GPATCH2L: variants seen among roughly 807,000 people sequenced by gnomAD.
GPATCH2L encodes G-patch domain containing 2 like, also known as G patch domain-containing protein 2-like.
Under a neutral mutation model 57.4 loss-of-function variants are expected in GPATCH2L, and 31 were observed. That is an observed-to-expected ratio of 0.54 (90% confidence interval 0.41 to 0.73). The LOEUF is 0.73. Ranked by LOEUF, GPATCH2L falls within the 30% of genes least tolerant of loss-of-function variation. The pLI is 0.00. For synonymous variants in GPATCH2L, 199 were observed against 210.7 expected, an observed-to-expected ratio of 0.94 and a Z score of 0.48; for missense variants, 481 against 599.9, an observed-to-expected ratio of 0.80 and a Z score of 2.07.
intron 8 of GPATCH2L, 72 bp from the exon 9 acceptor site, chr14:76,195,806 C>G (rs2040129840): frequency 1.8e-6 from 2 of 1,133,604 alleles, no homozygotes; most frequent in Non-Finnish European, 1.3e-6. Flanking sequence ...AGGATTTAAT[C>G]TGGGCTACAT....
chr14:76,155,120 A>G, intron 2 of GPATCH2L, 95 bp downstream of exon 2: 2 of 956,584 alleles, frequency 2.1e-6, no homozygotes, highest in Non-Finnish European at 3.1e-6. Context: ...CTTTCAAACC[A>G]GCCACTCTAG....
chr14:76,217,938 A>G (rs1157402323), downstream of GPATCH2L, among the ~76,000 whole-genome samples: 1 of 152,198 alleles, frequency 6.6e-6, no homozygotes, highest in East Asian at 1.9e-4. Flanking sequence ...CAAAAAGCTA[A>G]GAAGTAATGG....
chr14:76,180,660 G>C, intron 7 of GPATCH2L, 104 bp from the exon 8 acceptor site: 1 of 763,594 alleles, frequency 1.3e-6, no homozygotes, highest in Non-Finnish European at 2.3e-6. Context: ...GGTATAACAA[G>C]AGTTGGATAG....
chr14:76,234,102 C>A lies in GPATCH2L; in HGVS notation c.*117+4149C>A, dbSNP rs573579984. Among the ~76,000 whole-genome samples the A allele has an allele frequency of 5.2e-4, 79 of 152,244 alleles. 1 individual carries two copies. The highest frequency in any genetic ancestry group is 1.8e-3 in the African/African-American group (75 of 41,546). ...TCCAACCTGGGCAACAGAGCAAGAA[C>A]CTGTCTCTAAAAAATAAAAAATAAA... On this transcript the variant is annotated intron_variant and NMD_transcript_variant, in intron 2 of 3. Transcript: ENST00000556372.
At position 76,204,465 on chromosome 14, in the gene GPATCH2L, G is replaced by A. The variant is rs530782868; in HGVS notation, c.*2614G>A. On this transcript the variant is annotated 3_prime_UTR_variant, in exon 10 of 10. Transcript: ENST00000261530. ...TGCATGTTTAAGGAATTATTAATCA[G>A]TGTATTCTGCTTGCTTTCTGTATTA... The A allele has an allele frequency of 6.6e-6, 1 of 152,290 alleles. No individual in the cohort carries two copies. Among genetic ancestry groups the A allele is most frequent in the African/African-American group, 2.4e-5 (1 of 41,558 alleles). 9.4% of individuals were successfully genotyped at this position (152,290 alleles called of 1,614,324 possible).
chr14:76,176,563 T>G (rs2039336613), intron 5 of GPATCH2L, 60 bp from the exon 6 acceptor site: 2 of 1,157,408 alleles, frequency 1.7e-6, no homozygotes, highest in Non-Finnish European at 2.6e-6. Context: ...AGATTGATAT[T>G]GTACTTTATA....
intron 9 of GPATCH2L, among the ~76,000 whole-genome samples, chr14:76,199,033 G>GT (rs1206648724): frequency 6.6e-6 from 1 of 152,094 alleles, no homozygotes; most frequent in Non-Finnish European, 1.5e-5. Flanking sequence ...AAGTTTAAAT[G>GT]TTTTTTAAAA....
At position 76,221,175 on chromosome 14, in the gene GPATCH2L, A is replaced by C. The variant is rs540190116; in HGVS notation, c.66-8633A>C. Among the ~76,000 whole-genome samples, 15 of 152,134 alleles carry C rather than the reference A, an allele frequency of 9.9e-5. 1 individual carries two copies. The highest frequency in any genetic ancestry group is 4.6e-4 in the Admixed American group (7 of 15,284). ...TCTTAAAACTCAGCAATAAGAAAAA[A>C]AAAAAAGCCCTAAATTAAAAAGTGG... On this transcript the variant is annotated intron_variant and NMD_transcript_variant, in intron 1 of 3. Coordinates refer to the GPATCH2L transcript ENST00000556372.
intron 7 of GPATCH2L, chr14:76,178,338 G>A (rs1324848546): frequency 4.7e-6 from 5 of 1,057,702 alleles, no homozygotes; most frequent in Non-Finnish European, 6.4e-6. Context: ...GCTGCTTTGG[G>A]TGAAGTGGGG....
intron 2 of GPATCH2L, among the ~76,000 whole-genome samples, chr14:76,232,458 C>T (rs75925533): frequency 6.6e-6 from 1 of 151,966 alleles, no homozygotes; most frequent in Non-Finnish European, 1.5e-5. Context: ...CGCCACTGCC[C>T]CCGGCCCGTT....
rs1191750092 is a variant in GPATCH2L, at chr14:76,154,976, T to C, written c.613T>C (p.Cys205Arg). 1.1e-5 allele frequency: 17 copies of C among 1,613,600 alleles called. No homozygotes were observed. Among genetic ancestry groups the C allele is most frequent in the Non-Finnish European group, 1.4e-5 (17 of 1,179,972 alleles). Residue 205 changes from cysteine (C) to arginine (R), a missense_variant, in exon 2 of 10, where the codon TGT (cysteine) becomes CGT (arginine). This residue lies in a region of GPATCH2L where 208 missense variants were observed against 272.4 expected (regional missense o/e 0.76). Coordinates refer to ENST00000261530, the MANE Select transcript of GPATCH2L (RefSeq NM_017926.4). This position sits in a 1 kb window ranked among gnomAD's most constrained non-coding sequence, Gnocchi z 4.4. Reference protein sequence around the residue: ...SKTGRKERMECETDEQKQGSD... With the variant: ...SKTGRKERMERETDEQKQGSD... ...AACAGGAAGGAAAGAAAGGATGGAG[T>C]GTGAAACAGATGAACAAAAACAGGG...
chr14:76,159,928 C>T (rs982136958), intron 2 of GPATCH2L, among the ~76,000 whole-genome samples: 17 of 152,008 alleles, frequency 1.1e-4, no homozygotes, highest in African/African-American at 3.6e-4. Flanking sequence ...GTTAGGAGAT[C>T]GAGACCATCC....
At chr14:76,235,533 A>C (rs7145598) in intron 2 of GPATCH2L, among the ~76,000 whole-genome samples, 2 of 152,020 alleles carry the variant, frequency 1.3e-5, no homozygotes, top group Non-Finnish European at 2.9e-5. Context: ...GAATCCATTA[A>C]AACTCTTTTT....
intron 2 of GPATCH2L, among the ~76,000 whole-genome samples, chr14:76,156,334 C>T (rs1389054195): frequency 6.6e-6 from 1 of 152,210 alleles, no homozygotes; most frequent in Non-Finnish European, 1.5e-5. Context: ...ACAGGAAAAA[C>T]TGTTTAGGTC....
At chr14:76,164,782 A>G (rs1181797303) in intron 2 of GPATCH2L, among the ~76,000 whole-genome samples, 1 of 152,224 alleles carries the variant, frequency 6.6e-6, no homozygotes, top group Non-Finnish European at 1.5e-5. Context: ...AGTCAGTACC[A>G]AGTTTACAGC....
In GPATCH2L at chr14:76,178,000, G is replaced by A. The variant is rs905109263; in HGVS notation, c.1065G>A (p.Ala355=). 12 of 1,604,594 alleles carry A rather than the reference G, an allele frequency of 7.5e-6. No individual in the cohort carries two copies. Among genetic ancestry groups the A allele is most frequent in the African/African-American group, 5.4e-5 (4 of 74,684 alleles). Residue 355 remains alanine, a synonymous_variant, in exon 7 of 10, where the codon GCG becomes GCA. Coordinates refer to ENST00000261530, the MANE Select transcript of GPATCH2L (RefSeq NM_017926.4). ...SDPRQKEKNK[A]LASDFPHISA... is the part of the protein sequence containing the mutation. ...TCCTTTTCTTTAGAAAGAATAAAGC[G>A]TTGGCTTCTGATTTTCCTCACATTT...
At position 76,177,816 on chromosome 14, in the gene GPATCH2L, T is replaced by C. The variant is rs2039397617; in HGVS notation, c.1053-172T>C. Reference sequence around the variant, plus strand: ...TTTACTTAATTATTCCAACATCTTATCTTCTTCTCCCTTCTGTAATTTTCC... The same window carrying C: ...TTTACTTAATTATTCCAACATCTTACCTTCTTCTCCCTTCTGTAATTTTCC... On this transcript the variant is annotated intron_variant, in intron 6 of 9. Transcript: ENST00000261530. 27 of 864,656 alleles carry C rather than the reference T, an allele frequency of 3.1e-5. No individual in the cohort carries two copies. The South Asian group carries it at 3.2e-4, about 10-fold the overall frequency. 53.6% of individuals were successfully genotyped at this position (864,656 alleles called of 1,614,324 possible). A position where few individuals can be genotyped will look rare whatever the true frequency, so the allele number is the denominator to read the frequency against.
intron 2 of GPATCH2L, chr14:76,230,498 C>A (rs1405661357): frequency 6.6e-6 from 1 of 152,120 alleles, no homozygotes; most frequent in African/African-American, 2.4e-5. Flanking sequence ...ATCATACCTG[C>A]AAGCCTCTGG....
rs2039181309 is a variant in GPATCH2L at position 76,173,537 on chromosome 14, T to G, written c.905-9T>G. ...CATTCGGTATCTGAGGCCTTCCTTC[T>G]TTTTTTAGGGTACCATACTCGCTTG... On this transcript the variant is annotated splice_polypyrimidine_tract_variant and intron_variant, in intron 4 of 9. Transcript: ENST00000261530. 3 of 1,585,222 alleles carry G rather than the reference T, an allele frequency of 1.9e-6. No homozygotes were observed. The highest frequency in any genetic ancestry group is 2.6e-6 in the Non-Finnish European group (3 of 1,159,986).
Sources: gnomAD v4.1 joint callset for allele counts (sites outside exome capture counted in the v4.1 genomes callset) on GRCh38, gnomAD v4.1.1 for gene constraint, gnomAD v4.1.1 regional missense constraint, Gnocchi (gnomAD v3.1) non-coding constraint, MANE v1.5 for transcripts, NCBI Gene and HGNC (gene_info 2026-07-23, HGNC 2026-07-21) for gene names.